Variants in TGFBRAP1 observed in about 807,000 individuals in gnomAD.
TGFBRAP1 encodes the protein transforming growth factor beta receptor associated protein 1.
Under a neutral mutation model 83.2 loss-of-function variants are expected in TGFBRAP1, and 20 were observed. That is an observed-to-expected ratio of 0.24 (90% CI 0.17 to 0.35). The LOEUF is 0.35. Among genes scored for constraint, TGFBRAP1 ranks in the 10% least tolerant of loss-of-function variants. The pLI, the probability that TGFBRAP1 is intolerant of heterozygous loss-of-function variation, is 1.00. For synonymous variants in TGFBRAP1, 415 were observed against 459.8 expected, an observed-to-expected ratio of 0.90 and a Z score of 1.25; for missense variants, 950 against 1,099.4, an observed-to-expected ratio of 0.86 and a Z score of 1.92.
In TGFBRAP1 at chr2:105,316,418, G is replaced by GGA. The variant is rs1453553339; in HGVS notation, c.-17-8102_-17-8101dup. On this transcript the variant is annotated intron_variant, in intron 1 of 11. Coordinates refer to ENST00000393359, the MANE Select transcript of TGFBRAP1 (RefSeq NM_004257.6). ...CCAATACAAACTCTTACAGGTATAG[G>GGA]GAGTGTGTGTGTGTGTGTGTGTGTG... Among the ~76,000 whole-genome samples, 646 of 116,122 alleles carry GGA rather than the reference G, an allele frequency of 5.6e-3. 7 individuals are homozygous for GGA. Among genetic ancestry groups the GGA allele is most frequent in the African/African-American group, 0.022 (620 of 28,692 alleles). The allele number at this position is 116,122 out of a possible 152,430, so 76.2% of individuals were successfully genotyped here.
chr2:105,315,682 C>G (rs991803919), intron 1 of TGFBRAP1, among the ~76,000 whole-genome samples: 2 of 152,074 alleles, frequency 1.3e-5, no homozygotes, highest in African/African-American at 4.8e-5. Flanking sequence ...GAAGAGCTAC[C>G]ATTAAAAAGA....
At chr2:105,311,908 C>G (rs1391126093) in intron 1 of TGFBRAP1, among the ~76,000 whole-genome samples, 1 of 138,092 alleles carries the variant, frequency 7.2e-6, no homozygotes, top group African/African-American at 2.7e-5. Flanking sequence ...AACTCCATCT[C>G]AAAAAAAAAA....
chr2:105,297,326 G>A (rs1052338807), intron 3 of TGFBRAP1, among the ~76,000 whole-genome samples: 1 of 152,120 alleles, frequency 6.6e-6, no homozygotes, highest in Non-Finnish European at 1.5e-5. Flanking sequence ...CTTTTCCCAG[G>A]AAGCCTCCCT....
intron 1 of TGFBRAP1, among the ~76,000 whole-genome samples, chr2:105,325,324 G>A (rs1298475859): frequency 2.0e-5 from 3 of 152,132 alleles, no homozygotes; most frequent in Admixed American, 6.5e-5. Context: ...CTGCACACTC[G>A]ATATAGCATT....
downstream of TGFBRAP1, chr2:105,264,369 G>T (rs143969505): frequency 4.6e-5 from 7 of 152,306 alleles, no homozygotes; most frequent in African/African-American, 1.7e-4. Flanking sequence ...ACAGATTCTA[G>T]AACTCTTTAT....
intron 8 of TGFBRAP1, 153 bp downstream of exon 8, chr2:105,275,407 G>A (rs537605993): frequency 2.4e-6 from 3 of 1,250,644 alleles, no homozygotes; most frequent in African/African-American, 3.0e-5. Flanking sequence ...AGAGCTCAAG[G>A]GAAGGTATTA....
At chr2:105,286,397 C>T (rs560551602) in intron 4 of TGFBRAP1, among the ~76,000 whole-genome samples, 78 of 152,308 alleles carry the variant, frequency 5.1e-4, no homozygotes, top group African/African-American at 1.7e-3. Flanking sequence ...CTGTCTACTA[C>T]GATCAATGCC....
chr2:105,250,392 C>T, the TGFBRAP1 span, among the ~76,000 whole-genome samples: 1 of 152,206 alleles, frequency 6.6e-6, no homozygotes, highest in Non-Finnish European at 1.5e-5. Flanking sequence ...CATCTGCTGT[C>T]CCTCTGCCAG....
chr2:105,271,720 A>G (rs1342603366), intron 10 of TGFBRAP1, among the ~76,000 whole-genome samples: 1 of 152,208 alleles, frequency 6.6e-6, no homozygotes, highest in Non-Finnish European at 1.5e-5. Flanking sequence ...GGGCATATCT[A>G]GTCAATCCTC....
chr2:105,258,539 A>G, the TGFBRAP1 span, among the ~76,000 whole-genome samples: 2 of 151,342 alleles, frequency 1.3e-5, no homozygotes, highest in Non-Finnish European at 2.9e-5. Flanking sequence ...TCCTGCCCTT[A>G]GACTGGGATT....
intron 7 of TGFBRAP1, among the ~76,000 whole-genome samples, chr2:105,276,913 T>TG (rs1015099728): frequency 6.6e-6 from 1 of 152,210 alleles, no homozygotes; most frequent in African/African-American, 2.4e-5. Context: ...CTGATGCTCT[T>TG]GGCCCCTCAC....
chr2:105,283,085 G>T (rs912029519), intron 5 of TGFBRAP1, among the ~76,000 whole-genome samples: 2 of 152,168 alleles, frequency 1.3e-5, no homozygotes, highest in South Asian at 2.1e-4. Flanking sequence ...CGGTGAGGAG[G>T]TCTTCAACAC....
rs978930003 is a variant in TGFBRAP1, at chr2:105,264,592, C to G, written c.*2791G>C. On this transcript the variant is annotated 3_prime_UTR_variant, in exon 12 of 12. Transcript: ENST00000393359. Reference sequence around the variant, plus strand: ...GAGAGCAAGCAAAAAGCAAGGGCTGCCCCAGTTGCATCATGGGCATCCATT... The same window carrying G: ...GAGAGCAAGCAAAAAGCAAGGGCTGGCCCAGTTGCATCATGGGCATCCATT... The G allele has an allele frequency of 6.6e-6, 1 of 152,246 alleles. No individual in the cohort carries two copies. Among genetic ancestry groups the G allele is most frequent in the Admixed American group, 6.5e-5 (1 of 15,284 alleles). 9.4% of individuals were successfully genotyped at this position (152,246 alleles called of 1,614,324 possible).
chr2:105,262,342 TTAA>T (rs960251260), downstream of TGFBRAP1, among the ~76,000 whole-genome samples: 1 of 152,112 alleles, frequency 6.6e-6, no homozygotes, highest in African/African-American at 2.4e-5. Context: ...AGCTGGCTGT[TTAA>T]AGGAGTCTGG....
chr2:105,253,299 A>G, the TGFBRAP1 span, among the ~76,000 whole-genome samples: 1 of 151,698 alleles, frequency 6.6e-6, no homozygotes, highest in African/African-American at 2.4e-5. Context: ...CACCTGGCTA[A>G]TTTTTTGTAT....
At chr2:105,317,571 C>T (rs1678924286) in intron 1 of TGFBRAP1, among the ~76,000 whole-genome samples, 1 of 152,144 alleles carries the variant, frequency 6.6e-6, no homozygotes, top group Non-Finnish European at 1.5e-5. Context: ...TTCTCATGAC[C>T]TTCTTAGGGT....
the TGFBRAP1 span, among the ~76,000 whole-genome samples, chr2:105,254,109 C>T: frequency 5.1e-3 from 776 of 151,162 alleles, 5 homozygotes; most frequent in Middle Eastern, 0.017. Context: ...TAATGAGCAT[C>T]CTTGACATAA....
chr2:105,250,302 C>G, the TGFBRAP1 span, among the ~76,000 whole-genome samples: 4 of 152,104 alleles, frequency 2.6e-5, no homozygotes, highest in African/African-American at 9.7e-5. Context: ...CTGAAGATCC[C>G]CAAGGTCCAG....
chr2:105,327,085 T>C (rs1054557809), intron 1 of TGFBRAP1, among the ~76,000 whole-genome samples: 2 of 152,188 alleles, frequency 1.3e-5, no homozygotes, highest in African/African-American at 4.8e-5. Context: ...ATGACTACTT[T>C]AATGTATTTC....
Sources: gnomAD v4.1 joint callset for allele counts (sites outside exome capture counted in the v4.1 genomes callset) on GRCh38, gnomAD v4.1.1 for gene constraint, MANE v1.5 for transcripts, NCBI Gene and HGNC (gene_info 2026-07-23, HGNC 2026-07-21) for gene names.